Variants in SMARCC1 observed in about 807,000 individuals in gnomAD.
SMARCC1 encodes SWI/SNF related BAF chromatin remodeling complex subunit C1.
Under a neutral mutation model 147.4 loss-of-function variants are expected in SMARCC1, and 43 were observed. That is an observed-to-expected ratio of 0.29 (90% CI 0.23 to 0.38). SMARCC1 has a LOEUF of 0.38. Among genes scored for constraint, SMARCC1 ranks in the 10% least tolerant of loss-of-function variants. The pLI is 1.00. For missense variants in SMARCC1, 1,119 were observed against 1,381.1 expected (o/e 0.81, Z 3.01); for synonymous variants, 495 against 484.4 (o/e 1.02, Z -0.29).
At chr3:47,764,318 G>A (rs1421050169) in intron 2 of SMARCC1, among the ~76,000 whole-genome samples, 1 of 152,140 alleles carries the variant, frequency 6.6e-6, no homozygotes, top group Admixed American at 6.6e-5. Context: ...TTACAGGCAT[G>A]AGCCAGTGTG....
At chr3:47,761,123 ACT>A (rs1038144119) in intron 2 of SMARCC1, among the ~76,000 whole-genome samples, 3 of 139,320 alleles carry the variant, frequency 2.2e-5, no homozygotes, top group South Asian at 2.5e-4. Context: ...ACAGAGCAAG[ACT>A]CTGTCTAAAA....
chr3:47,619,682 G>T (rs1055230469), intron 25 of SMARCC1, among the ~76,000 whole-genome samples: 2 of 152,256 alleles, frequency 1.3e-5, no homozygotes, highest in Non-Finnish European at 2.9e-5. Context: ...TCAATGGTGT[G>T]AGAGATGCTT....
rs2033557191 is a variant in SMARCC1, at chr3:47,675,510, G to T, written c.1804C>A (p.Arg602Ser). 6.2e-7 allele frequency: 1 copy of T among 1,610,400 alleles called. No individual in the cohort carries two copies. Among genetic ancestry groups the T allele is most frequent in the African/African-American group, 1.3e-5 (1 of 74,836 alleles). ...KPVDLQNFGL[R>S]TDIYSKKTLA... ...GTTTTCTTGGAGTAAATGTCAGTAC[G>T]GAGACCAAAGTTCTGCAAATCAACT... Residue 602 changes from arginine (R) to serine (S), a missense_variant, in exon 18 of 28, where the codon CGT (arginine) becomes AGT (serine). Physicochemically the swap from Arg to Ser is moderately radical, Grantham distance 110. This residue lies in a region of SMARCC1 where 178 missense variants were observed against 264.6 expected (regional missense o/e 0.67). Coordinates refer to ENST00000254480, the MANE Select transcript of SMARCC1 (RefSeq NM_003074.4).
chr3:47,653,096 T>C (rs1002885861), intron 21 of SMARCC1, among the ~76,000 whole-genome samples: 1 of 152,098 alleles, frequency 6.6e-6, no homozygotes, highest in Non-Finnish European at 1.5e-5. Flanking sequence ...TAGCTGGGAC[T>C]ACAGGCGCCC....
chr3:47,592,719 C>T (rs932179924), intron 26 of SMARCC1, among the ~76,000 whole-genome samples: 3 of 152,200 alleles, frequency 2.0e-5, no homozygotes, highest in African/African-American at 7.2e-5. Flanking sequence ...CTGCCTCAGC[C>T]TCTCAAGTAG....
At chr3:47,616,107 T>A (rs1056289153) in intron 25 of SMARCC1, among the ~76,000 whole-genome samples, 2 of 152,210 alleles carry the variant, frequency 1.3e-5, no homozygotes, top group Non-Finnish European at 2.9e-5. Flanking sequence ...AAGTGTCTTT[T>A]AAAAAAACAT....
At chr3:47,629,659 A>C (rs2032860843) in intron 24 of SMARCC1, among the ~76,000 whole-genome samples, 1 of 152,130 alleles carries the variant, frequency 6.6e-6, no homozygotes, top group African/African-American at 2.4e-5. Flanking sequence ...GCTTCTTAGA[A>C]AGGATGTATA....
intron 27 of SMARCC1, among the ~76,000 whole-genome samples, chr3:47,589,433 T>C (rs1241921763): frequency 6.6e-6 from 1 of 152,142 alleles, no homozygotes; most frequent in Non-Finnish European, 1.5e-5. Flanking sequence ...ATACTACCTC[T>C]GCAATAGGGA....
At chr3:47,678,169 A>T (rs755352140) in intron 16 of SMARCC1, 29 bp downstream of exon 16, 2 of 1,295,962 alleles carry the variant, frequency 1.5e-6, no homozygotes, top group Non-Finnish European at 2.2e-6. Flanking sequence ...CCTACAGTTA[A>T]ATGTCTCAGA....
intron 26 of SMARCC1, among the ~76,000 whole-genome samples, chr3:47,592,821 TG>T (rs1456767683): frequency 2.0e-3 from 176 of 88,666 alleles, no homozygotes; most frequent in African/African-American, 5.0e-3. Context: ...CTGGTAGTCT[TG>T]TTTTTTTTTT....
intron 11 of SMARCC1, among the ~76,000 whole-genome samples, chr3:47,694,492 C>T (rs1179573013): frequency 2.6e-5 from 4 of 151,984 alleles, no homozygotes; most frequent in African/African-American, 4.8e-5. Context: ...CCCAGCTGCT[C>T]GGGAGGCTAA....
At chr3:47,754,453 G>A (rs1169188710) in intron 2 of SMARCC1, among the ~76,000 whole-genome samples, 4 of 151,976 alleles carry the variant, frequency 2.6e-5, no homozygotes, top group African/African-American at 9.7e-5. Flanking sequence ...CACCAGCCTC[G>A]GCCTCCCAAA....
chr3:47,610,810 A>G (rs2032553938), intron 25 of SMARCC1: 1 of 166,480 alleles, frequency 6.0e-6, no homozygotes, highest in African/African-American at 2.4e-5. Context: ...TCTATTTTAG[A>G]ACATAACACC....
intron 6 of SMARCC1, 84 bp from the exon 7 acceptor site, chr3:47,720,819 TG>T: frequency 9.3e-7 from 1 of 1,070,184 alleles, no homozygotes; most frequent in Middle Eastern, 2.0e-4. Flanking sequence ...TTTACTAAGA[TG>T]TTTTAGTTTG....
At chr3:47,730,399 T>C (rs1269293163) in intron 5 of SMARCC1, among the ~76,000 whole-genome samples, 2 of 152,116 alleles carry the variant, frequency 1.3e-5, no homozygotes, top group Non-Finnish European at 2.9e-5. Flanking sequence ...GAGGATCATT[T>C]GAGCCCAAGA....
intron 3 of SMARCC1, among the ~76,000 whole-genome samples, chr3:47,744,882 C>T (rs1396615918): frequency 2.0e-5 from 3 of 152,194 alleles, no homozygotes. Flanking sequence ...ATCTACAACA[C>T]TGACCTAGGC....
At chr3:47,679,860 T>TG (rs2033620041) in intron 15 of SMARCC1, among the ~76,000 whole-genome samples, 1 of 64,818 alleles carries the variant, frequency 1.5e-5, no homozygotes, top group Non-Finnish European at 3.1e-5. Context: ...AGACTCCATC[T>TG]CAAAAAAAAA....
At chr3:47,663,606 G>T in intron 19 of SMARCC1, 1 of 1,490,524 alleles carries the variant, frequency 6.7e-7, no homozygotes, top group South Asian at 1.2e-5. Flanking sequence ...CTGCTGCTGT[G>T]GCCCAGACAT....
Position 47,689,398 on chromosome 3 carries a change from C to T in SMARCC1, c.1252G>A (p.Ala418Thr). Residue 418 changes from alanine to threonine, a missense_variant, in exon 13 of 28, where the codon GCA (alanine) becomes ACA (threonine). Physicochemically the swap from Ala to Thr is moderately conservative, Grantham distance 58 (BLOSUM62 0). This residue lies in a region of SMARCC1 where 542 missense variants were observed against 611.8 expected (regional missense o/e 0.89). Coordinates refer to ENST00000254480, the MANE Select transcript of SMARCC1 (RefSeq NM_003074.4). ...AACTGAATTGTTACCTTTCCTCCTGCTGTGACTGTTTCTTCATCCTGCTCA... is the reference window on the plus strand; with the variant it reads ...AACTGAATTGTTACCTTTCCTCCTGTTGTGACTGTTTCTTCATCCTGCTCA... ...LDEQDEETVT[A>T]GGKEDEDPAK... 1 of 1,612,896 alleles carries T rather than the reference C, an allele frequency of 6.2e-7. No homozygotes were observed. The highest frequency in any genetic ancestry group is 8.5e-7 in the Non-Finnish European group (1 of 1,178,936).
Sources: gnomAD v4.1 joint callset for allele counts (sites outside exome capture counted in the v4.1 genomes callset) on GRCh38, gnomAD v4.1.1 for gene constraint, gnomAD v4.1.1 regional missense constraint, MANE v1.5 for transcripts, NCBI Gene and HGNC (gene_info 2026-07-23, HGNC 2026-07-21) for gene names.